Variants in CACNA2D3 observed in about 807,000 individuals in gnomAD.
The protein encoded by CACNA2D3 is calcium voltage-gated channel auxiliary subunit alpha2delta 3, also known as voltage-dependent calcium channel subunit alpha-2/delta-3.
A neutral mutation model predicts 160.6 loss-of-function variants in CACNA2D3; 60 were observed. The observed-to-expected ratio is 0.37, with a 90% confidence interval of 0.30 to 0.46. The LOEUF (loss-of-function observed/expected upper bound fraction) is 0.46, where lower values mean the gene tolerates loss of function less well. Among genes scored for constraint, CACNA2D3 ranks in the 20% least tolerant of loss-of-function variants. The pLI, the probability that CACNA2D3 is intolerant of heterozygous loss-of-function variation, is 1.00. For missense variants in CACNA2D3, 1,205 were observed against 1,365.0 expected, an observed-to-expected ratio of 0.88 and a Z score of 1.85; for synonymous variants, 558 against 492.9, an observed-to-expected ratio of 1.13 and a Z score of -1.75.
intron 2 of CACNA2D3, among the ~76,000 whole-genome samples, chr3:54,199,801 T>C (rs1417827979): frequency 6.6e-6 from 1 of 152,210 alleles, no homozygotes; most frequent in Non-Finnish European, 1.5e-5. Flanking sequence ...TGGTATTCCA[T>C]GTATGATATT....
chr3:54,791,651 TTCTC>T (rs544190656), intron 13 of CACNA2D3, among the ~76,000 whole-genome samples: 1 of 152,306 alleles, frequency 6.6e-6, no homozygotes, highest in Non-Finnish European at 1.5e-5. Context: ...CCAGTTTGGA[TTCTC>T]TCTCTTTTTT....
rs571836835 is a variant in CACNA2D3 at position 54,659,821 on chromosome 3, C to T, written c.1167+17580C>T. Among the ~76,000 whole-genome samples the T allele has an allele frequency of 1.4e-4, 22 of 152,196 alleles. No individual in the cohort carries two copies. The East Asian group carries it at 3.3e-3, about 23-fold the overall frequency. ...TCTTTAGTAAACAACAAGATCAGTT[C>T]CTGTTTTGTTCTCCCCCAGAGCTTA... is the stretch of plus-strand genomic sequence containing the variant. On this transcript the variant is annotated intron_variant, in intron 11 of 37. Coordinates refer to ENST00000474759, the MANE Select transcript of CACNA2D3 (RefSeq NM_018398.3).
rs575448347 is a variant in CACNA2D3, at chr3:54,714,924, T to G, written c.1168-37675T>G. Among the ~76,000 whole-genome samples, 319 of 152,336 alleles carry G rather than the reference T, an allele frequency of 2.1e-3. 1 individual carries two copies. Among genetic ancestry groups the G allele is most frequent in the Non-Finnish European group, 3.7e-3 (251 of 68,028 alleles). ...CTCTTATAATACTTTTACAACACAG[T>G]ACACTTCTGTGATCCTGGATGTCTG... On this transcript the variant is annotated intron_variant, in intron 11 of 37. Coordinates refer to ENST00000474759, the MANE Select transcript of CACNA2D3 (RefSeq NM_018398.3).
chr3:54,417,246 AAAC>A (rs1241026361), intron 4 of CACNA2D3, among the ~76,000 whole-genome samples: 16 of 152,254 alleles, frequency 1.1e-4, no homozygotes, highest in African/African-American at 3.9e-4. Context: ...CAGCAAAATA[AAAC>A]AACAACAGCA....
intron 11 of CACNA2D3, among the ~76,000 whole-genome samples, chr3:54,749,894 C>G (rs990929049): frequency 1.3e-5 from 2 of 152,214 alleles, no homozygotes; most frequent in African/African-American, 4.8e-5. Context: ...ATAAACCCCT[C>G]AGTACATTAC....
chr3:54,747,024 T>C (rs1701763322), intron 11 of CACNA2D3, among the ~76,000 whole-genome samples: 1 of 152,206 alleles, frequency 6.6e-6, no homozygotes, highest in South Asian at 2.1e-4. Flanking sequence ...ACCCACTGGA[T>C]TGTAAACTCC....
At chr3:54,490,300 A>G (rs1397088822) in intron 4 of CACNA2D3, among the ~76,000 whole-genome samples, 1 of 144,976 alleles carries the variant, frequency 6.9e-6, no homozygotes, top group East Asian at 2.1e-4. Context: ...AAACAGTCCG[A>G]GACTCAGCAG....
At chr3:54,849,963 T>A (rs1699020949) in intron 17 of CACNA2D3, among the ~76,000 whole-genome samples, 1 of 152,144 alleles carries the variant, frequency 6.6e-6, no homozygotes, top group African/African-American at 2.4e-5. Context: ...CAGTATTTTC[T>A]TTAATCTTGT....
chr3:54,637,894 G>C (rs907929285), intron 10 of CACNA2D3: 13 of 152,034 alleles, frequency 8.6e-5, no homozygotes, highest in South Asian at 2.1e-4. Flanking sequence ...GAGGAATCCC[G>C]GGCTGCGGGC....
chr3:54,325,568 C>A (rs887749205), intron 3 of CACNA2D3, among the ~76,000 whole-genome samples: 1 of 152,064 alleles, frequency 6.6e-6, no homozygotes, highest in African/African-American at 2.4e-5. Flanking sequence ...TTCAGAGGAC[C>A]CTAAATGTCA....
At chr3:55,002,132 G>A (rs1702990696) in intron 31 of CACNA2D3, among the ~76,000 whole-genome samples, 1 of 151,212 alleles carries the variant, frequency 6.6e-6, no homozygotes, top group Admixed American at 6.6e-5. Context: ...CTCCAGCTTG[G>A]GTGACAGAGA....
intron 4 of CACNA2D3, among the ~76,000 whole-genome samples, chr3:54,428,380 A>T (rs1223137744): frequency 6.6e-6 from 1 of 152,182 alleles, no homozygotes; most frequent in Non-Finnish European, 1.5e-5. Context: ...TCTGCAAACA[A>T]TAAATGTTAA....
In CACNA2D3 at chr3:54,542,636, A is replaced by C. The variant is rs78534467; in HGVS notation, c.545-20164A>C. 8.4e-3 allele frequency among the ~76,000 whole-genome samples: 1,276 copies of C among 152,224 alleles called. 17 individuals are homozygous for C. Among genetic ancestry groups the C allele is most frequent in the African/African-American group, 0.028 (1,178 of 41,534 alleles). ...AGCATGCAGCACAGGAGAAACATGAAGGCCGGCAGACTCAGCAAGTCTACT... is the reference window on the plus strand; with the variant it reads ...AGCATGCAGCACAGGAGAAACATGACGGCCGGCAGACTCAGCAAGTCTACT... On this transcript the variant is annotated intron_variant, in intron 5 of 37. Coordinates refer to ENST00000474759, the MANE Select transcript of CACNA2D3 (RefSeq NM_018398.3).
Position 54,736,707 on chromosome 3 carries a change from GTAT to G in CACNA2D3, c.1168-15890_1168-15888del, listed in dbSNP as rs1461799201. Among the ~76,000 whole-genome samples, 3 of 152,212 alleles carry G rather than the reference GTAT, an allele frequency of 2.0e-5. No individual in the cohort carries two copies. In the East Asian group the frequency reaches 5.8e-4, roughly 29 times the overall value. ...TTATTTGTTTTTGTTGCCATGGGTA[GTAT>G]TCTGGGATCTGCTGGTTCATGCACT... On this transcript the variant is annotated intron_variant, in intron 11 of 37. Transcript: ENST00000474759.
chr3:54,476,223 AATTAT>A (rs1700828811), intron 4 of CACNA2D3, among the ~76,000 whole-genome samples: 1 of 148,340 alleles, frequency 6.7e-6, no homozygotes, highest in Non-Finnish European at 1.5e-5. Context: ...ATATTATATT[AATTAT>A]ATTAATATAT....
intron 27 of CACNA2D3, among the ~76,000 whole-genome samples, chr3:54,936,835 A>G (rs1371638593): frequency 6.6e-6 from 1 of 152,184 alleles, no homozygotes; most frequent in Non-Finnish European, 1.5e-5. Flanking sequence ...ATTGTGTTCA[A>G]CAAGCAAGCT....
chr3:54,772,066 C>G (rs565901353), intron 13 of CACNA2D3, among the ~76,000 whole-genome samples: 1 of 151,330 alleles, frequency 6.6e-6, no homozygotes, highest in South Asian at 2.1e-4. Flanking sequence ...AGCTGTGATT[C>G]CTTTAGGAAT....
In CACNA2D3 at chr3:54,752,655, G is replaced by A. The variant is rs753348988; in HGVS notation, c.1224G>A (p.Lys408=). The A allele has an allele frequency of 6.2e-7, 1 of 1,613,226 alleles. No individual in the cohort carries two copies. Among genetic ancestry groups the A allele is most frequent in the South Asian group, 1.1e-5 (1 of 90,762 alleles). The part of the protein sequence containing the change: ...GREAAFADNL[K]WMACANKGFF... ...AGGCTGCGTTTGCAGACAATCTAAAGTGGATGGCCTGTGCCAACAAAGGTG... is the reference window on the plus strand; with the variant it reads ...AGGCTGCGTTTGCAGACAATCTAAAATGGATGGCCTGTGCCAACAAAGGTG... Residue 408 remains lysine, a synonymous_variant, in exon 12 of 38, where the codon AAG becomes AAA. Coordinates refer to ENST00000474759, the MANE Select transcript of CACNA2D3 (RefSeq NM_018398.3).
chr3:54,692,801 G>T (rs1252531555), intron 11 of CACNA2D3, among the ~76,000 whole-genome samples: 1 of 152,170 alleles, frequency 6.6e-6, no homozygotes, highest in Non-Finnish European at 1.5e-5. Flanking sequence ...TTTTTGGAAA[G>T]AATGCTTGTA....
Sources: allele counts gnomAD v4.1 joint callset (sites outside exome capture counted in the v4.1 genomes callset), GRCh38; gene constraint gnomAD v4.1.1; transcripts MANE v1.5; gene names NCBI Gene and HGNC (gene_info 2026-07-23, HGNC 2026-07-21).